DENND2C: variants seen among roughly 807,000 people sequenced by gnomAD.
DENND2C encodes the protein DENN domain-containing protein 2C.
Under a neutral mutation model 112.4 loss-of-function variants are expected in DENND2C, and 72 were observed. The observed-to-expected ratio is 0.64, with a 90% CI of 0.53 to 0.78. The LOEUF (loss-of-function observed/expected upper bound fraction) is 0.78. Ranked by LOEUF, DENND2C falls within the 30% of genes least tolerant of loss-of-function variation. The probability of loss-of-function intolerance (pLI) is 0.00; values close to 1 mark genes in which losing one functional copy is unlikely to be tolerated. For synonymous variants in DENND2C, 329 were observed against 381.6 expected (o/e 0.86, Z 1.61); for missense variants, 992 against 1,113.8 (o/e 0.89, Z 1.56).
intron 3 of DENND2C, among the ~76,000 whole-genome samples, chr1:114,637,042 C>T (rs1235023731): frequency 6.6e-6 from 1 of 151,002 alleles, no homozygotes; most frequent in African/African-American, 2.4e-5. Flanking sequence ...GTCAGGAGTT[C>T]GAGACCAGCC....
rs1243311575 is a variant in DENND2C, at chr1:114,618,382, T to C, written c.1324+4A>G. On this transcript the variant is annotated splice_donor_region_variant and intron_variant, in intron 8 of 20. Transcript: ENST00000393274. ...GGATAGCTGGAACGAAAAACAATTC[T>C]TACCTTTTGTCGGAGGTAATTCCTT... 1.2e-5 allele frequency: 18 copies of C among 1,561,384 alleles called. No individual in the cohort carries two copies. Among genetic ancestry groups the C allele is most frequent in the Non-Finnish European group, 1.6e-5 (18 of 1,154,012 alleles).
At chr1:114,625,130 C>T in intron 4 of DENND2C, 49 bp downstream of exon 4, 1 of 1,508,648 alleles carries the variant, frequency 6.6e-7, no homozygotes, top group Admixed American at 2.3e-5. Flanking sequence ...GCTCAATAAT[C>T]CTGTAAGGAA....
intron 3 of DENND2C, among the ~76,000 whole-genome samples, chr1:114,640,206 T>C (rs929968554): frequency 3.9e-5 from 6 of 152,246 alleles, no homozygotes; most frequent in African/African-American, 1.4e-4. Context: ...TTACCATCTA[T>C]GTCAGAGCTA....
chr1:114,613,837 A>G (rs1235312934), intron 8 of DENND2C, among the ~76,000 whole-genome samples: 1 of 152,234 alleles, frequency 6.6e-6, no homozygotes, highest in Non-Finnish European at 1.5e-5. Context: ...AAAAAGTACC[A>G]GATTGTCCTC....
At chr1:114,657,135 T>C (rs1657355660) in intron 1 of DENND2C, among the ~76,000 whole-genome samples, 1 of 152,226 alleles carries the variant, frequency 6.6e-6, no homozygotes, top group Admixed American at 6.5e-5. Flanking sequence ...CAGCAATATA[T>C]GAGGTTGCAG....
chr1:114,632,193 T>C (rs1448020087), intron 3 of DENND2C, among the ~76,000 whole-genome samples: 3 of 152,280 alleles, frequency 2.0e-5, no homozygotes, highest in African/African-American at 7.2e-5. Flanking sequence ...TTACCCTACA[T>C]ATAACTGGAG....
At chr1:114,601,712 G>C in intron 12 of DENND2C, 127 bp from the exon 13 acceptor site, 3 of 764,760 alleles carry the variant, frequency 3.9e-6, no homozygotes, top group Non-Finnish European at 6.3e-6. Context: ...CTCATCTTTA[G>C]TGAACACTGA....
At chr1:114,663,875 C>T (rs1051107934) in intron 1 of DENND2C, among the ~76,000 whole-genome samples, 7 of 151,392 alleles carry the variant, frequency 4.6e-5, no homozygotes, top group African/African-American at 1.7e-4. Flanking sequence ...ACACAAAGTA[C>T]AAAATATTAA....
chr1:114,623,513 T>G lies in DENND2C; in HGVS notation c.937A>C (p.Ile313Leu). ...CAAAGTTGTCAACACCTACATATGATATCTTCATAGATATTGTCCTCAGAC... is the reference window on the plus strand; with the variant it reads ...CAAAGTTGTCAACACCTACATATGAGATCTTCATAGATATTGTCCTCAGAC... ...TQSEDNIYED[I>L]IYPTKENPYE... The change falls in exon 5 of 21, where the codon ATC (isoleucine) becomes CTC (leucine). Residue 313 changes from isoleucine to leucine, a missense_variant. Coordinates refer to ENST00000393274, the MANE Select transcript of DENND2C (RefSeq NM_001256404.2). 1 of 1,602,120 alleles carries G rather than the reference T, an allele frequency of 6.2e-7. No individual in the cohort carries two copies. Among genetic ancestry groups the G allele is most frequent in the South Asian group, 1.1e-5 (1 of 88,606 alleles).
intron 3 of DENND2C, among the ~76,000 whole-genome samples, chr1:114,632,508 C>G (rs552370657): frequency 5.3e-5 from 8 of 152,112 alleles, no homozygotes; most frequent in Non-Finnish European, 4.4e-5. Flanking sequence ...ATCTAGAATT[C>G]TAGACACAAT....
intron 3 of DENND2C, among the ~76,000 whole-genome samples, chr1:114,630,313 A>G (rs563290350): frequency 6.6e-6 from 1 of 152,084 alleles, no homozygotes; most frequent in South Asian, 2.1e-4. Context: ...TCAAAAAAAA[A>G]AAGAAAAGAA....
intron 1 of DENND2C, among the ~76,000 whole-genome samples, chr1:114,666,393 C>G (rs760039858): frequency 1.3e-5 from 2 of 152,192 alleles, no homozygotes; most frequent in Non-Finnish European, 2.9e-5. Flanking sequence ...AGTCCAAAGT[C>G]CTTAGCACGA....
chr1:114,610,613 T>C (rs1270079417), intron 9 of DENND2C, among the ~76,000 whole-genome samples: 2 of 151,810 alleles, frequency 1.3e-5, no homozygotes, highest in Non-Finnish European at 2.9e-5. Context: ...GGCAGGAGAA[T>C]TGCCTGAACC....
chr1:114,665,049 ACACTACTG>A (rs1235995006), intron 1 of DENND2C, among the ~76,000 whole-genome samples: 2 of 151,822 alleles, frequency 1.3e-5, no homozygotes, highest in Non-Finnish European at 2.9e-5. Context: ...AGCTGAGATC[ACACTACTG>A]CACTCCAGCC....
In DENND2C at chr1:114,611,075, T is replaced by G; in HGVS notation, c.1367A>C (p.Lys456Thr). The change falls in exon 9 of 21, where the codon AAG (lysine) becomes ACG (threonine). Residue 456 changes from lysine to threonine, a missense_variant and splice_region_variant. Around this residue, in one of 3 missense-constraint regions of DENND2C, gnomAD observed 516 missense variants for 623.6 expected, o/e 0.83. Coordinates refer to ENST00000393274, the MANE Select transcript of DENND2C (RefSeq NM_001256404.2). Reference sequence around the variant, plus strand: ...AGCAGCCCCATTGACTCACTCACTCTTTGGCAGATACTCGGCATCACTTTC... The same window carrying G: ...AGCAGCCCCATTGACTCACTCACTCGTTGGCAGATACTCGGCATCACTTTC... ...GNESDAEYLPKNRHKRLAQLQ... is the reference protein window; with the variant it reads ...GNESDAEYLPTNRHKRLAQLQ... 6.2e-7 allele frequency: 1 copy of G among 1,614,196 alleles called. No homozygotes were observed. Among genetic ancestry groups the G allele is most frequent in the South Asian group, 1.1e-5 (1 of 91,084 alleles).
rs61417132 is a variant in DENND2C, at chr1:114,661,106, C to CA, written c.-573-6346dup. On this transcript the variant is annotated intron_variant, in intron 1 of 20. Transcript: ENST00000393274. ...TGGGCGACAGAGCGAGACTCCGTCT[C>CA]AAAAAAAAAAAAAAAAAAAAGAAAA... 6.7e-3 allele frequency among the ~76,000 whole-genome samples: 683 copies of CA among 102,422 alleles called. 6 individuals are homozygous for CA. The highest frequency in any genetic ancestry group is 0.011 in the Non-Finnish European group (550 of 50,052). 67.2% of individuals were successfully genotyped at this position (102,422 alleles called of 152,430 possible).
At chr1:114,638,223 C>T (rs1274899937) in intron 3 of DENND2C, among the ~76,000 whole-genome samples, 2 of 151,726 alleles carry the variant, frequency 1.3e-5, no homozygotes, top group Non-Finnish European at 2.9e-5. Context: ...AGGTATCTAT[C>T]TGTAAAAAAA....
chr1:114,612,785 T>C (rs1044547070), intron 8 of DENND2C, among the ~76,000 whole-genome samples: 1 of 152,192 alleles, frequency 6.6e-6, no homozygotes, highest in Non-Finnish European at 1.5e-5. Flanking sequence ...CCCAAAGTGC[T>C]GGGATTATAG....
In DENND2C at chr1:114,626,971, T is replaced by C. The variant is rs979979227; in HGVS notation, c.-204-783A>G. On this transcript the variant is annotated intron_variant, in intron 3 of 20. Coordinates refer to ENST00000393274, the MANE Select transcript of DENND2C (RefSeq NM_001256404.2). ...GCCAACTTTCTCCTCCTGTCCTACGTTGATTAATAATATCAGCCCATCACA... is the reference window on the plus strand; with the variant it reads ...GCCAACTTTCTCCTCCTGTCCTACGCTGATTAATAATATCAGCCCATCACA... 3.3e-5 allele frequency among the ~76,000 whole-genome samples: 5 copies of C among 152,174 alleles called. No individual in the cohort carries two copies. In the East Asian group the frequency reaches 7.7e-4, roughly 23 times the overall value.
Sources: allele counts gnomAD v4.1 joint callset (sites outside exome capture counted in the v4.1 genomes callset), GRCh38; gene constraint gnomAD v4.1.1; regional missense constraint gnomAD v4.1.1; transcripts MANE v1.5; gene names NCBI Gene and HGNC (gene_info 2026-07-23, HGNC 2026-07-21).